The following NAV3 variants were observed in gnomAD, a reference collection of about 807,000 sequenced individuals.
The protein encoded by NAV3 is neuron navigator 3.
Under a neutral mutation model 244.7 loss-of-function variants are expected in NAV3, and 87 were observed. That is an observed-to-expected ratio of 0.36 (90% confidence interval 0.30 to 0.42). The LOEUF is 0.42. NAV3 is among the 20% of genes least tolerant of loss of function. The pLI is 1.00. For missense variants in NAV3, 2,663 were observed against 2,893.3 expected (o/e 0.92, Z 1.83); for synonymous variants, 1,126 against 1,042.2 (o/e 1.08, Z -1.55).
intron 38 of NAV3, 58 bp from the exon 39 acceptor site, chr12:78,204,876 CT>C: frequency 1.3e-6 from 2 of 1,517,090 alleles, no homozygotes; most frequent in East Asian, 2.3e-5. Context: ...TAGCAGTCCC[CT>C]TTTTTGCTGA....
At chr12:77,630,196 G>T (rs1433520348) in intron 2 of NAV3, among the ~76,000 whole-genome samples, 1 of 152,098 alleles carries the variant, frequency 6.6e-6, no homozygotes, top group Non-Finnish European at 1.5e-5. Context: ...GGAGGAGTGT[G>T]AACAGCAGGC....
At chr12:78,103,206 T>C (rs1667074) in intron 12 of NAV3, among the ~76,000 whole-genome samples, 28,841 of 152,102 alleles carry the variant, frequency 0.19, 2,890 homozygotes, top group Non-Finnish European at 0.23. Flanking sequence ...ATTTCTTCTG[T>C]CAGATACCCT....
chr12:77,692,823 C>T (rs1453353898), intron 2 of NAV3, among the ~76,000 whole-genome samples: 1 of 151,984 alleles, frequency 6.6e-6, no homozygotes, highest in Non-Finnish European at 1.5e-5. Flanking sequence ...GAAAAAGATA[C>T]ACACCAAAGA....
At chr12:78,163,051 T>G (rs1181516424) in intron 23 of NAV3, among the ~76,000 whole-genome samples, 4 of 150,424 alleles carry the variant, frequency 2.7e-5, no homozygotes, top group Non-Finnish European at 5.9e-5. Flanking sequence ...ACTGAGAAGC[T>G]GGTTTGGAAG....
chr12:77,907,511 A>T (rs1161988204), intron 1 of NAV3, among the ~76,000 whole-genome samples: 1 of 152,100 alleles, frequency 6.6e-6, no homozygotes, highest in Non-Finnish European at 1.5e-5. Flanking sequence ...AACAGGTATC[A>T]CTAGCTATCT....
intron 3 of NAV3, among the ~76,000 whole-genome samples, chr12:77,957,780 T>G (rs1891507488): frequency 6.6e-6 from 1 of 152,104 alleles, no homozygotes; most frequent in Non-Finnish European, 1.5e-5. Context: ...TTCTCGTGCC[T>G]TAGCCTCCCT....
At chr12:77,793,287 A>G (rs1871263923) in intron 2 of NAV3, among the ~76,000 whole-genome samples, 1 of 152,162 alleles carries the variant, frequency 6.6e-6, no homozygotes, top group Non-Finnish European at 1.5e-5. Flanking sequence ...AAGAAGTGGT[A>G]AGTATTTCTC....
At chr12:77,682,577 A>G (rs1874522209) in intron 2 of NAV3, among the ~76,000 whole-genome samples, 1 of 152,142 alleles carries the variant, frequency 6.6e-6, no homozygotes, top group Non-Finnish European at 1.5e-5. Flanking sequence ...AGGAACCTAT[A>G]TACTGTTTCC....
intron 1 of NAV3, among the ~76,000 whole-genome samples, chr12:77,864,923 A>G (rs1444491708): frequency 6.6e-6 from 1 of 152,066 alleles, no homozygotes; most frequent in African/African-American, 2.4e-5. Flanking sequence ...CAAATAATGA[A>G]TTAATGAGTG....
At chr12:77,925,168 A>G (rs1888073439) in intron 1 of NAV3, among the ~76,000 whole-genome samples, 1 of 152,092 alleles carries the variant, frequency 6.6e-6, no homozygotes, top group Admixed American at 6.6e-5. Context: ...GAGAATTTTT[A>G]CTTTTTGTGT....
At chr12:77,578,392 T>G (rs1869195676) in intron 2 of NAV3, among the ~76,000 whole-genome samples, 1 of 152,172 alleles carries the variant, frequency 6.6e-6, no homozygotes, top group African/African-American at 2.4e-5. Context: ...CATTGTGATG[T>G]GTTCAATGAA....
chr12:77,744,025 C>G (rs1236639923), intron 2 of NAV3, among the ~76,000 whole-genome samples: 1 of 151,762 alleles, frequency 6.6e-6, no homozygotes, highest in Admixed American at 6.6e-5. Context: ...AGAGCTAAAA[C>G]AATACCAATA....
At chr12:77,623,861 TAAAGA>T (rs1383910184) in intron 2 of NAV3, among the ~76,000 whole-genome samples, 3 of 152,190 alleles carry the variant, frequency 2.0e-5, no homozygotes, top group Non-Finnish European at 4.4e-5. Context: ...TCAATCTCCT[TAAAGA>T]AAATAAGATT....
intron 12 of NAV3, among the ~76,000 whole-genome samples, chr12:78,063,943 T>C (rs1884647211): frequency 6.6e-6 from 1 of 152,160 alleles, no homozygotes; most frequent in Admixed American, 6.6e-5. Flanking sequence ...GCTATTTTAC[T>C]AAGTTTAATT....
intron 2 of NAV3, among the ~76,000 whole-genome samples, chr12:77,688,776 A>G (rs752528693): frequency 5.9e-5 from 9 of 151,916 alleles, no homozygotes; most frequent in Non-Finnish European, 8.8e-5. Flanking sequence ...GAGAGGCTCT[A>G]AAAAACGAGA....
intron 2 of NAV3, among the ~76,000 whole-genome samples, chr12:77,616,403 T>G (rs1407343062): frequency 6.6e-6 from 1 of 152,128 alleles, no homozygotes; most frequent in Non-Finnish European, 1.5e-5. Context: ...TAAGTTAGTA[T>G]GGGTATTTTG....
chr12:77,596,730 CAG>C (rs1397240452), intron 2 of NAV3, among the ~76,000 whole-genome samples: 1 of 151,954 alleles, frequency 6.6e-6, no homozygotes, highest in African/African-American at 2.4e-5. Context: ...CTATAATGTA[CAG>C]AGATAACATA....
At chr12:77,811,511 C>T (rs1034555138) in intron 2 of NAV3, among the ~76,000 whole-genome samples, 4 of 152,108 alleles carry the variant, frequency 2.6e-5, no homozygotes, top group African/African-American at 9.7e-5. Flanking sequence ...TGATACTAGG[C>T]CTTGTTAGTT....
chr12:78,079,849 G>A (rs776531214), intron 12 of NAV3, among the ~76,000 whole-genome samples: 15 of 152,074 alleles, frequency 9.9e-5, no homozygotes, highest in Admixed American at 5.2e-4. Flanking sequence ...TCTTGCCTAC[G>A]TAGGACAGTA....
Sources: gnomAD v4.1 joint callset for allele counts (sites outside exome capture counted in the v4.1 genomes callset) on GRCh38, gnomAD v4.1.1 for gene constraint, MANE v1.5 for transcripts, NCBI Gene and HGNC (gene_info 2026-07-23, HGNC 2026-07-21) for gene names.